Variants in CSMD1 observed in about 807,000 individuals in gnomAD.
CSMD1 encodes CUB and Sushi multiple domains 1, also known as CUB and sushi domain-containing protein 1.
In CSMD1, 213 loss-of-function variants were observed where a neutral mutation model predicts 417.5. The observed-to-expected ratio is 0.51, with a 90% CI of 0.46 to 0.57. The LOEUF is 0.57. Among genes scored for constraint, CSMD1 ranks in the 20% least tolerant of loss-of-function variants. The probability of loss-of-function intolerance (pLI) is 0.00; values close to 1 mark genes in which losing one functional copy is unlikely to be tolerated. For missense variants in CSMD1, 6,923 were observed against 4,529.7 expected (o/e 1.53, Z -15.17); for synonymous variants, 2,862 against 1,736.8 (o/e 1.65, Z -16.11).
At chr8:4,228,470 G>T (rs774163600) in intron 3 of CSMD1, among the ~76,000 whole-genome samples, 1 of 151,916 alleles carries the variant, frequency 6.6e-6, no homozygotes, top group East Asian at 1.9e-4. Context: ...GCACCACACA[G>T]CTTCCACTGT....
intron 4 of CSMD1, among the ~76,000 whole-genome samples, chr8:4,027,388 C>T (rs1797117359): frequency 6.6e-6 from 1 of 152,142 alleles, no homozygotes; most frequent in Non-Finnish European, 1.5e-5. Context: ...ATCCCCTAAT[C>T]CCCATGAGTT....
At chr8:4,225,078 C>T (rs984476164) in intron 3 of CSMD1, among the ~76,000 whole-genome samples, 7 of 152,184 alleles carry the variant, frequency 4.6e-5, no homozygotes, top group Middle Eastern at 6.3e-3. Flanking sequence ...CACCACTGCA[C>T]TCCAGCCTGG....
intron 10 of CSMD1, among the ~76,000 whole-genome samples, chr8:3,567,932 A>G (rs2116902804): frequency 6.6e-6 from 1 of 152,180 alleles, no homozygotes; most frequent in African/African-American, 2.4e-5. Flanking sequence ...TGACATCCCC[A>G]TGGACGCCGG....
intron 3 of CSMD1, among the ~76,000 whole-genome samples, chr8:4,122,109 G>T (rs192460259): frequency 2.0e-5 from 3 of 151,606 alleles, no homozygotes; most frequent in Admixed American, 6.6e-5. Context: ...ATATTGTATC[G>T]TATAGGATAT....
intron 1 of CSMD1, among the ~76,000 whole-genome samples, chr8:4,942,354 T>C (rs1264148422): frequency 2.0e-5 from 3 of 152,186 alleles, no homozygotes; most frequent in Admixed American, 6.5e-5. Flanking sequence ...GCTTTCTCGG[T>C]ACCCTTGTAG....
chr8:4,189,819 G>T (rs1798907339), intron 3 of CSMD1, among the ~76,000 whole-genome samples: 1 of 152,048 alleles, frequency 6.6e-6, no homozygotes, highest in Admixed American at 6.6e-5. Flanking sequence ...AAGGTAAAGT[G>T]GATTCAAAGA....
At chr8:4,849,371 T>G (rs949679589) in intron 1 of CSMD1, among the ~76,000 whole-genome samples, 1 of 152,024 alleles carries the variant, frequency 6.6e-6, no homozygotes, top group African/African-American at 2.4e-5. Flanking sequence ...TGAAGTTAAT[T>G]TTTTTCTTTA....
intron 3 of CSMD1, among the ~76,000 whole-genome samples, chr8:4,218,547 TTC>T (rs1368073018): frequency 6.6e-6 from 1 of 152,224 alleles, no homozygotes; most frequent in Non-Finnish European, 1.5e-5. Context: ...TTGAATTTGT[TTC>T]TGAGTCAAGT....
chr8:4,075,261 T>A (rs988549795), intron 3 of CSMD1, among the ~76,000 whole-genome samples: 4 of 152,158 alleles, frequency 2.6e-5, no homozygotes, highest in African/African-American at 9.7e-5. Flanking sequence ...AAAAACAAAG[T>A]ATTATAAAAT....
intron 3 of CSMD1, among the ~76,000 whole-genome samples, chr8:4,299,276 T>G (rs1338674156): frequency 3.9e-5 from 6 of 152,186 alleles, no homozygotes; most frequent in African/African-American, 1.4e-4. Context: ...TCGGATAAGA[T>G]AAAGTTTTTC....
intron 2 of CSMD1, among the ~76,000 whole-genome samples, chr8:4,430,901 G>T (rs914916813): frequency 6.6e-5 from 10 of 152,112 alleles, no homozygotes; most frequent in Non-Finnish European, 4.4e-5. Context: ...CTCCTGAATG[G>T]TAAGGATCCA....
At chr8:4,644,269 A>G (rs1803377343) in intron 1 of CSMD1, among the ~76,000 whole-genome samples, 1 of 152,148 alleles carries the variant, frequency 6.6e-6, no homozygotes, top group Non-Finnish European at 1.5e-5. Context: ...CCCTTTGAAC[A>G]TGTGGGTCCA....
chr8:4,556,071 C>T (rs1355780816), intron 2 of CSMD1, among the ~76,000 whole-genome samples: 1 of 151,940 alleles, frequency 6.6e-6, no homozygotes, highest in Non-Finnish European at 1.5e-5. Context: ...TTAAATTTCT[C>T]GAATTTACTT....
chr8:4,755,600 G>C (rs1366059117), intron 1 of CSMD1, among the ~76,000 whole-genome samples: 1 of 152,126 alleles, frequency 6.6e-6, no homozygotes, highest in African/African-American at 2.4e-5. Flanking sequence ...GATTTTATCA[G>C]ATGGAAAGTT....
At chr8:4,641,418 T>C (rs547148760) in intron 1 of CSMD1, among the ~76,000 whole-genome samples, 2 of 152,128 alleles carry the variant, frequency 1.3e-5, no homozygotes, top group African/African-American at 2.4e-5. Context: ...CAACCTTCCA[T>C]ACACAGAGTT....
chr8:3,349,384 C>A (rs1236018408), intron 21 of CSMD1, among the ~76,000 whole-genome samples: 1 of 152,084 alleles, frequency 6.6e-6, no homozygotes, highest in East Asian at 1.9e-4. Context: ...CCATGATTGC[C>A]CCCCAGTGAT....
chr8:4,419,908 C>G, intron 3 of CSMD1, 45 bp downstream of exon 3: 1 of 1,237,586 alleles, frequency 8.1e-7, no homozygotes, highest in Non-Finnish European at 1.2e-6. Flanking sequence ...TGTATTAGAT[C>G]ATTTGGACAG....
chr8:3,443,902 A>C (rs1815145267), intron 12 of CSMD1, among the ~76,000 whole-genome samples: 2 of 152,332 alleles, frequency 1.3e-5, no homozygotes, highest in African/African-American at 4.8e-5. Flanking sequence ...AGATACAGCA[A>C]CTGAGAAATT....
intron 40 of CSMD1, among the ~76,000 whole-genome samples, chr8:3,143,291 C>T (rs750152334): frequency 4.6e-5 from 7 of 152,126 alleles, no homozygotes; most frequent in Admixed American, 2.6e-4. Flanking sequence ...AGCAAGCGGT[C>T]ATTTTCTATT....
Sources: allele counts gnomAD v4.1 joint callset (sites outside exome capture counted in the v4.1 genomes callset), GRCh38; gene constraint gnomAD v4.1.1; transcripts MANE v1.5; gene names NCBI Gene and HGNC (gene_info 2026-07-23, HGNC 2026-07-21).